Variants in MDGA2 observed in about 807,000 individuals in gnomAD.
MDGA2 encodes MAM domain-containing glycosylphosphatidylinositol anchor protein 2.
A neutral mutation model predicts 117.8 loss-of-function variants in MDGA2; 40 were observed. The ratio of observed to expected loss-of-function variants is 0.34; its 90% CI spans 0.26 to 0.44. The LOEUF is 0.44. MDGA2 is among the 20% of genes least tolerant of loss of function. The pLI is 1.00. For missense variants in MDGA2, 1,123 were observed against 1,250.6 expected (o/e 0.90, Z 1.54); for synonymous variants, 452 against 439.0 (o/e 1.03, Z -0.37).
chr14:47,211,577 T>C (rs1040936026), intron 3 of MDGA2, among the ~76,000 whole-genome samples: 1 of 152,186 alleles, frequency 6.6e-6, no homozygotes, highest in Non-Finnish European at 1.5e-5. Flanking sequence ...TCTTTGCCCC[T>C]GAGGTAGATA....
chr14:46,978,443 T>A (rs1566556773), intron 8 of MDGA2, among the ~76,000 whole-genome samples: 1 of 152,034 alleles, frequency 6.6e-6, no homozygotes, highest in Non-Finnish European at 1.5e-5. Flanking sequence ...TAGACAGTAA[T>A]GTGTTTTGCT....
At chr14:47,507,653 G>T (rs79101900) in intron 1 of MDGA2, among the ~76,000 whole-genome samples, 2,083 of 152,228 alleles carry the variant, frequency 0.014, 42 homozygotes, top group East Asian at 0.1. Context: ...CTTGTCCCTA[G>T]TGATATAGGT....
intron 2 of MDGA2, among the ~76,000 whole-genome samples, chr14:47,275,314 CATTATATAG>C (rs1372189499): frequency 1.3e-5 from 2 of 152,068 alleles, no homozygotes; most frequent in Admixed American, 6.6e-5. Context: ...TTTGGCATAC[CATTATATAG>C]ATTTTCTAAT....
intron 1 of MDGA2, among the ~76,000 whole-genome samples, chr14:47,458,289 T>A (rs886129399): frequency 6.6e-6 from 1 of 152,184 alleles, no homozygotes; most frequent in Non-Finnish European, 1.5e-5. Flanking sequence ...TAGTTTGATA[T>A]TGTTCCACTT....
At chr14:47,103,836 C>T (rs1352839935) in intron 5 of MDGA2, among the ~76,000 whole-genome samples, 2 of 152,164 alleles carry the variant, frequency 1.3e-5, no homozygotes, top group African/African-American at 2.4e-5. Context: ...ATTGCTTGTT[C>T]TCCCTAGTGC....
At chr14:46,984,899 C>G (rs934487987) in intron 8 of MDGA2, among the ~76,000 whole-genome samples, 2 of 152,046 alleles carry the variant, frequency 1.3e-5, no homozygotes, top group African/African-American at 2.4e-5. Context: ...CTAAATTATA[C>G]TTAATCCTGA....
chr14:47,289,453 T>C (rs999597426), intron 2 of MDGA2, among the ~76,000 whole-genome samples: 2 of 151,826 alleles, frequency 1.3e-5, no homozygotes, highest in African/African-American at 4.8e-5. Flanking sequence ...TGAAGTTGGT[T>C]AATCTGAGGA....
At chr14:47,537,223 G>A (rs908889935) in intron 1 of MDGA2, among the ~76,000 whole-genome samples, 3 of 145,802 alleles carry the variant, frequency 2.1e-5, no homozygotes, top group Middle Eastern at 7.4e-3. Flanking sequence ...ACCAAACACC[G>A]CATGTTCTCA....
At chr14:47,577,359 G>T (rs1458815645) in intron 1 of MDGA2, among the ~76,000 whole-genome samples, 1 of 152,032 alleles carries the variant, frequency 6.6e-6, no homozygotes, top group Non-Finnish European at 1.5e-5. Flanking sequence ...CTAGGCAATA[G>T]CATTCAGGAC....
intron 5 of MDGA2, among the ~76,000 whole-genome samples, chr14:47,106,206 T>G (rs1880664250): frequency 1.3e-5 from 2 of 152,128 alleles, no homozygotes; most frequent in South Asian, 4.1e-4. Flanking sequence ...ATTCTCAAAA[T>G]ACATTTTATT....
intron 8 of MDGA2, among the ~76,000 whole-genome samples, chr14:47,007,633 G>A (rs533247010): frequency 6.6e-6 from 1 of 151,924 alleles, no homozygotes; most frequent in African/African-American, 2.4e-5. Context: ...ATGTAACAAT[G>A]ATTAGAGAAG....
At chr14:47,063,727 T>C (rs1456540161) in intron 6 of MDGA2, among the ~76,000 whole-genome samples, 2 of 151,958 alleles carry the variant, frequency 1.3e-5, no homozygotes, top group African/African-American at 4.8e-5. Flanking sequence ...GATTACAATT[T>C]TGAAAGTTTT....
chr14:46,962,179 A>G (rs1006007055), intron 8 of MDGA2, among the ~76,000 whole-genome samples: 13 of 152,188 alleles, frequency 8.5e-5, no homozygotes, highest in East Asian at 3.9e-4. Flanking sequence ...ATTTAAGTGC[A>G]TGACTTGAGG....
chr14:47,565,993 G>A (rs1895911389), intron 1 of MDGA2, among the ~76,000 whole-genome samples: 1 of 152,212 alleles, frequency 6.6e-6, no homozygotes, highest in Non-Finnish European at 1.5e-5. Flanking sequence ...GCAGCATCGT[G>A]ATGCAGGGCA....
At chr14:47,664,351 TC>T (rs139028510) in intron 1 of MDGA2, among the ~76,000 whole-genome samples, 7,043 of 152,240 alleles carry the variant, frequency 0.046, 155 homozygotes, top group Middle Eastern at 0.068. Flanking sequence ...TAAATGATAG[TC>T]CTATTATGAG....
chr14:47,318,818 G>GAAGGAAGGAAGGAAGC (rs1555373016), intron 1 of MDGA2, among the ~76,000 whole-genome samples: 62 of 151,560 alleles, frequency 4.1e-4, no homozygotes, highest in Middle Eastern at 3.2e-3. Flanking sequence ...AAGAAGGAAG[G>GAAGGAAGGAAGGAAGC]AAGGAAGGAA....
At chr14:47,319,539 G>A (rs1889915229) in intron 1 of MDGA2, among the ~76,000 whole-genome samples, 1 of 152,098 alleles carries the variant, frequency 6.6e-6, no homozygotes, top group Non-Finnish European at 1.5e-5. Flanking sequence ...GAAAGAAGGT[G>A]CCAAGGGTAT....
At chr14:47,002,418 A>C (rs2138494439) in intron 8 of MDGA2, among the ~76,000 whole-genome samples, 1 of 152,216 alleles carries the variant, frequency 6.6e-6, no homozygotes, top group South Asian at 2.1e-4. Context: ...GAAATTCAAT[A>C]ACTTATCTCT....
At chr14:46,867,885 A>G (rs1313842887) in intron 14 of MDGA2, among the ~76,000 whole-genome samples, 1 of 151,264 alleles carries the variant, frequency 6.6e-6, no homozygotes, top group Non-Finnish European at 1.5e-5. Flanking sequence ...GAGCATATAG[A>G]TGAAAATTCA....
Sources: allele counts gnomAD v4.1 joint callset (sites outside exome capture counted in the v4.1 genomes callset), GRCh38; gene constraint gnomAD v4.1.1; transcripts MANE v1.5; gene names NCBI Gene and HGNC (gene_info 2026-07-23, HGNC 2026-07-21).